The following ZNF521 variants were observed in gnomAD, a reference collection of about 807,000 sequenced individuals.
ZNF521 encodes zinc finger protein 521.
ZNF521 carries 14 observed loss-of-function variants against 105.5 expected under a neutral mutation model. The ratio of observed to expected loss-of-function variants is 0.13; its 90% confidence interval spans 0.09 to 0.21. ZNF521 has a LOEUF of 0.21. Among genes scored for constraint, ZNF521 ranks in the 10% least tolerant of loss-of-function variants. The probability of loss-of-function intolerance (pLI) is 1.00; values close to 1 mark genes in which losing one functional copy is unlikely to be tolerated. For missense variants in ZNF521, 1,233 were observed against 1,629.7 expected, an observed-to-expected ratio of 0.76 and a Z score of 4.19; for synonymous variants, 635 against 606.0, an observed-to-expected ratio of 1.05 and a Z score of -0.70.
At chr18:25,121,481 G>T (rs1442299157) in intron 5 of ZNF521, among the ~76,000 whole-genome samples, 2 of 151,872 alleles carry the variant, frequency 1.3e-5, no homozygotes, top group African/African-American at 4.8e-5. Flanking sequence ...TCAAACTCCT[G>T]ACCTTGCGAT....
At chr18:25,288,416 C>T (rs1910824173) in intron 3 of ZNF521, among the ~76,000 whole-genome samples, 1 of 152,088 alleles carries the variant, frequency 6.6e-6, no homozygotes. Flanking sequence ...GCCTTCTGTC[C>T]ACCTTTACCC....
intron 4 of ZNF521, among the ~76,000 whole-genome samples, chr18:25,206,106 C>CA (rs1341598872): frequency 2.0e-5 from 3 of 152,098 alleles, no homozygotes; most frequent in Non-Finnish European, 4.4e-5. Flanking sequence ...TGGGCTTAAA[C>CA]AAGTCTCCTG....
chr18:25,348,258 C>A (rs1170831148), intron 2 of ZNF521, among the ~76,000 whole-genome samples: 1 of 152,134 alleles, frequency 6.6e-6, no homozygotes. Flanking sequence ...ATATAATGGA[C>A]AATCCGCATA....
At chr18:25,276,920 C>T (rs145871783) in intron 3 of ZNF521, among the ~76,000 whole-genome samples, 2 of 152,184 alleles carry the variant, frequency 1.3e-5, no homozygotes, top group African/African-American at 4.8e-5. Context: ...CAGTGGCTCA[C>T]GCCTATAATC....
intron 5 of ZNF521, among the ~76,000 whole-genome samples, chr18:25,171,754 A>G (rs1340962240): frequency 6.6e-6 from 1 of 152,148 alleles, no homozygotes; most frequent in African/African-American, 2.4e-5. Flanking sequence ...TTCAGAGTTA[A>G]TTCAATGATG....
intron 7 of ZNF521, among the ~76,000 whole-genome samples, chr18:25,077,494 T>G (rs1291542267): frequency 6.6e-6 from 1 of 151,704 alleles, no homozygotes; most frequent in Non-Finnish European, 1.5e-5. Flanking sequence ...GCCCCCCACA[T>G]AGCAGCACAA....
chr18:25,291,276 T>C (rs1158664687), intron 3 of ZNF521, among the ~76,000 whole-genome samples: 1 of 152,164 alleles, frequency 6.6e-6, no homozygotes, highest in Non-Finnish European at 1.5e-5. Context: ...ATGTAAACAT[T>C]AAAGTGACCA....
intron 5 of ZNF521, among the ~76,000 whole-genome samples, chr18:25,172,779 C>T (rs2035470519): frequency 6.6e-6 from 1 of 152,164 alleles, no homozygotes; most frequent in Admixed American, 6.5e-5. Context: ...CCCGTTGACT[C>T]CTAAATCTTC....
In ZNF521 at chr18:25,225,362, C is replaced by G; in HGVS notation, c.2556G>C (p.Gln852His). The G allele has an allele frequency of 2.5e-6, 4 of 1,614,192 alleles. No individual in the cohort carries two copies. The highest frequency in any genetic ancestry group is 3.4e-6 in the Non-Finnish European group (4 of 1,180,024). Reference protein sequence around the residue: ...CGTNGASEQVQKEEVELQTLL... With the variant: ...CGTNGASEQVHKEEVELQTLL... ...AAGTCTGCAGCTCCACTTCCTCTTT[C>G]TGCACTTGCTCGGAAGCTCCATTTG... Residue 852 changes from glutamine (Q) to histidine (H), a missense_variant, in exon 4 of 8, where the codon CAG (glutamine) becomes CAC (histidine). This residue lies in a region of ZNF521 where 614 missense variants were observed against 751.5 expected (regional missense o/e 0.82). Coordinates refer to ENST00000361524, the MANE Select transcript of ZNF521 (RefSeq NM_015461.3). This position sits in a 1 kb window ranked among gnomAD's most constrained non-coding sequence, Gnocchi z 5.6.
intron 5 of ZNF521, among the ~76,000 whole-genome samples, chr18:25,125,723 CT>C (rs34007183): frequency 0.44 from 65,284 of 146,934 alleles, 14,500 homozygotes; most frequent in Middle Eastern, 0.6. Flanking sequence ...TTCAAAACTG[CT>C]TTTTTTTTTT....
chr18:25,081,643 AT>A (rs2033498277), intron 7 of ZNF521, among the ~76,000 whole-genome samples: 1 of 152,200 alleles, frequency 6.6e-6, no homozygotes, highest in African/African-American at 2.4e-5. Flanking sequence ...GTAATTGAAA[AT>A]GCATTTACTC....
At chr18:25,327,004 T>C (rs1028519550) in intron 2 of ZNF521, among the ~76,000 whole-genome samples, 3 of 152,008 alleles carry the variant, frequency 2.0e-5, no homozygotes, top group Non-Finnish European at 2.9e-5. Context: ...AACTAAAAAA[T>C]ACATACTGTC....
intron 5 of ZNF521, among the ~76,000 whole-genome samples, chr18:25,151,012 C>T (rs756362869): frequency 2.0e-5 from 3 of 151,858 alleles, no homozygotes; most frequent in African/African-American, 4.8e-5. Context: ...CCTCAGCCCC[C>T]GAGTAGCTGG....
At chr18:25,171,307 T>C (rs919635239) in intron 5 of ZNF521, among the ~76,000 whole-genome samples, 1 of 152,164 alleles carries the variant, frequency 6.6e-6, no homozygotes, top group Admixed American at 6.5e-5. Flanking sequence ...ATAAAAAGTA[T>C]GCCAGTCTTT....
At chr18:25,172,926 A>G (rs2035473399) in intron 5 of ZNF521, among the ~76,000 whole-genome samples, 1 of 152,234 alleles carries the variant, frequency 6.6e-6, no homozygotes, top group Admixed American at 6.5e-5. Flanking sequence ...TATTAGGCAG[A>G]TATCATGTTA....
chr18:25,117,079 ACACATACACAC>A (rs2034341424), intron 5 of ZNF521, among the ~76,000 whole-genome samples: 3 of 19,298 alleles, frequency 1.6e-4, no homozygotes, highest in Non-Finnish European at 1.9e-4. Flanking sequence ...ACACACACAC[ACACATACACAC>A]ATCCTTAATT....
intron 4 of ZNF521, chr18:25,201,516 G>A (rs2035992211): frequency 1.3e-5 from 2 of 152,124 alleles, no homozygotes; most frequent in African/African-American, 4.8e-5. Context: ...AACTGTTTTG[G>A]ACTTGACTAA....
Position 25,329,675 on chromosome 18 carries a change from C to G in ZNF521, c.41-7488G>C, listed in dbSNP as rs7236321. 2.4e-3 allele frequency among the ~76,000 whole-genome samples: 366 copies of G among 152,230 alleles called. 3 individuals carry two copies. Among genetic ancestry groups the G allele is most frequent in the African/African-American group, 8.3e-3 (345 of 41,534 alleles). ...GCAGGCTGGAAAAGCGGCTAGAGCACGAAGGAACTCCTGTGAGTGTAATGT... is the reference window on the plus strand; with the variant it reads ...GCAGGCTGGAAAAGCGGCTAGAGCAGGAAGGAACTCCTGTGAGTGTAATGT... On this transcript the variant is annotated intron_variant, in intron 2 of 7. Coordinates refer to ENST00000361524, the MANE Select transcript of ZNF521 (RefSeq NM_015461.3).
chr18:25,091,848 C>T (rs1257784498), intron 6 of ZNF521, 102 bp downstream of exon 6: 1 of 1,411,878 alleles, frequency 7.1e-7, no homozygotes, highest in Non-Finnish European at 9.5e-7. Context: ...GAACTGAAGT[C>T]ATGTCTGTAA....
Sources: allele counts gnomAD v4.1 joint callset (sites outside exome capture counted in the v4.1 genomes callset), GRCh38; gene constraint gnomAD v4.1.1; regional missense constraint gnomAD v4.1.1; non-coding constraint Gnocchi (gnomAD v3.1); transcripts MANE v1.5; gene names NCBI Gene and HGNC (gene_info 2026-07-23, HGNC 2026-07-21).